Variants in CWF19L2 observed in about 807,000 individuals in gnomAD.
CWF19L2 encodes the protein CWF19-like protein 2.
CWF19L2 carries 98 observed loss-of-function variants against 111.7 expected under a neutral mutation model. That is an observed-to-expected ratio of 0.88 (90% CI 0.75 to 1.04). The LOEUF is 1.04. Ranked by LOEUF, CWF19L2 falls within the 50% of genes least tolerant of loss-of-function variation. The probability of loss-of-function intolerance (pLI) is 0.00; values close to 1 mark genes in which losing one functional copy is unlikely to be tolerated. For synonymous variants in CWF19L2, 351 were observed against 342.9 expected (o/e 1.02, Z -0.26); for missense variants, 1,101 against 1,051.4 (o/e 1.05, Z -0.65).
At chr11:107,373,507 G>A (rs1203100499) in intron 12 of CWF19L2, among the ~76,000 whole-genome samples, 2 of 131,782 alleles carry the variant, frequency 1.5e-5, no homozygotes, top group South Asian at 5.4e-4. Flanking sequence ...CCCAGGAGGG[G>A]CAGACTGACA....
chr11:107,348,895 C>G, intron 14 of CWF19L2, 42 bp downstream of exon 14: 1 of 1,144,628 alleles, frequency 8.7e-7, no homozygotes, highest in Non-Finnish European at 1.3e-6. Context: ...ACAAAAATTG[C>G]TCATGAGTTT....
At chr11:107,446,711 G>GC (rs1235407919) in intron 3 of CWF19L2, among the ~76,000 whole-genome samples, 1 of 152,178 alleles carries the variant, frequency 6.6e-6, no homozygotes, top group Non-Finnish European at 1.5e-5. Flanking sequence ...TTTGATAAAT[G>GC]CAAGCTGAAA....
At chr11:107,443,597 CA>C (rs1210716580) in intron 3 of CWF19L2, among the ~76,000 whole-genome samples, 1 of 151,814 alleles carries the variant, frequency 6.6e-6, no homozygotes, top group East Asian at 1.9e-4. Flanking sequence ...CAAGAGAAGG[CA>C]AAAAAACAAA....
intron 10 of CWF19L2, among the ~76,000 whole-genome samples, chr11:107,408,644 C>T (rs1355246608): frequency 6.6e-6 from 1 of 151,816 alleles, no homozygotes; most frequent in African/African-American, 2.4e-5. Context: ...TTTCTAACTG[C>T]ACAGGACAGA....
intron 14 of CWF19L2, among the ~76,000 whole-genome samples, chr11:107,339,665 CTTTTT>C (rs34093897): frequency 7.7e-6 from 1 of 129,960 alleles, no homozygotes; most frequent in Non-Finnish European, 1.6e-5. Context: ...TTGTTTATCC[CTTTTT>C]TTTTTTTTTT....
intron 10 of CWF19L2, among the ~76,000 whole-genome samples, chr11:107,411,422 G>A (rs940859072): frequency 5.9e-5 from 9 of 151,852 alleles, no homozygotes; most frequent in Middle Eastern, 3.2e-3. Flanking sequence ...TGGCACTCAC[G>A]TTCATTTATA....
At chr11:107,418,798 C>T (rs1424611959) in intron 8 of CWF19L2, among the ~76,000 whole-genome samples, 2 of 152,152 alleles carry the variant, frequency 1.3e-5, no homozygotes, top group African/African-American at 2.4e-5. Flanking sequence ...TAGTTTAAAA[C>T]TGGTATCATG....
chr11:107,410,638 G>C lies in CWF19L2; in HGVS notation c.1617+5571C>G, dbSNP rs148166961. Among the ~76,000 whole-genome samples the C allele has an allele frequency of 1.7e-3, 255 of 152,262 alleles. 1 individual carries two copies. The highest frequency in any genetic ancestry group is 6.8e-3 in the East Asian group (35 of 5,170). ...CACTGCTCAAAGATAGGAGGAGCTA[G>C]AAATTTAAAAAACAATCAGTAATAT... On this transcript the variant is annotated intron_variant, in intron 10 of 17. Coordinates refer to ENST00000282251, the MANE Select transcript of CWF19L2 (RefSeq NM_152434.3).
At chr11:107,404,728 G>C in intron 10 of CWF19L2, 1 of 305,294 alleles carries the variant, frequency 3.3e-6, no homozygotes, top group East Asian at 7.3e-5. Flanking sequence ...ATAGGACCTA[G>C]CACAGTGTCA....
intron 12 of CWF19L2, among the ~76,000 whole-genome samples, chr11:107,361,040 A>C (rs1860324026): frequency 6.6e-6 from 1 of 152,162 alleles, no homozygotes; most frequent in Non-Finnish European, 1.5e-5. Flanking sequence ...CAATGTCCAG[A>C]AGAGTTTCCC....
At chr11:107,385,594 C>T (rs1176966021) in intron 12 of CWF19L2, among the ~76,000 whole-genome samples, 1 of 152,250 alleles carries the variant, frequency 6.6e-6, no homozygotes, top group East Asian at 1.9e-4. Flanking sequence ...CTATACAATA[C>T]AGTAACCCCC....
At chr11:107,449,761 A>G (rs1861752632) in intron 3 of CWF19L2, among the ~76,000 whole-genome samples, 1 of 152,094 alleles carries the variant, frequency 6.6e-6, no homozygotes, top group African/African-American at 2.4e-5. Context: ...CACTCGATCC[A>G]AAAGACAGGA....
chr11:107,431,644 C>T (rs577866856), intron 7 of CWF19L2, among the ~76,000 whole-genome samples: 1 of 152,092 alleles, frequency 6.6e-6, no homozygotes, highest in South Asian at 2.1e-4. Context: ...TGGTGACTAA[C>T]AAGAGATTTA....
chr11:107,443,596 G>A (rs1861662420), intron 3 of CWF19L2, among the ~76,000 whole-genome samples: 1 of 151,976 alleles, frequency 6.6e-6, no homozygotes, highest in Non-Finnish European at 1.5e-5. Context: ...CCAAGAGAAG[G>A]CAAAAAAACA....
At chr11:107,362,934 A>G (rs1860378722) in intron 12 of CWF19L2, among the ~76,000 whole-genome samples, 1 of 152,004 alleles carries the variant, frequency 6.6e-6, no homozygotes, top group African/African-American at 2.4e-5. Flanking sequence ...AAAAAAATTT[A>G]GCAGAATGTA....
chr11:107,360,088 T>A (rs188056274), intron 12 of CWF19L2, among the ~76,000 whole-genome samples: 2 of 152,334 alleles, frequency 1.3e-5, no homozygotes, highest in East Asian at 3.9e-4. Flanking sequence ...CATTAAGTAA[T>A]TTCTCATCAT....
chr11:107,443,171 T>C, intron 3 of CWF19L2, 122 bp from the exon 4 acceptor site: 1 of 673,070 alleles, frequency 1.5e-6, no homozygotes, highest in Non-Finnish European at 2.6e-6. Context: ...GTATTTCCCC[T>C]TTACAAAATG....
intron 8 of CWF19L2, among the ~76,000 whole-genome samples, chr11:107,422,150 G>A (rs1253417313): frequency 2.6e-5 from 4 of 152,024 alleles, no homozygotes; most frequent in African/African-American, 4.8e-5. Flanking sequence ...TCGAACTCTA[G>A]AAGATGCAAA....
At chr11:107,432,899 A>G (rs921600166) in intron 7 of CWF19L2, among the ~76,000 whole-genome samples, 2 of 152,208 alleles carry the variant, frequency 1.3e-5, no homozygotes, top group African/African-American at 2.4e-5. Flanking sequence ...GGGAAAGGAA[A>G]AGCATATAAA....
Sources: allele counts gnomAD v4.1 joint callset (sites outside exome capture counted in the v4.1 genomes callset), GRCh38; gene constraint gnomAD v4.1.1; transcripts MANE v1.5; gene names NCBI Gene and HGNC (gene_info 2026-07-23, HGNC 2026-07-21).